KCTD2: variants seen among roughly 807,000 people sequenced by gnomAD.
The protein encoded by KCTD2 is BTB/POZ domain-containing protein KCTD2.
Under a neutral mutation model 27.9 loss-of-function variants are expected in KCTD2, and 18 were observed. The ratio of observed to expected loss-of-function variants is 0.64; its 90% confidence interval spans 0.45 to 0.96. The LOEUF (loss-of-function observed/expected upper bound fraction) is 0.96. Ranked by LOEUF, KCTD2 falls within the 40% of genes least tolerant of loss-of-function variation. KCTD2 has a pLI of 0.00. For missense variants in KCTD2, 280 were observed against 348.0 expected (o/e 0.80, Z 1.56); for synonymous variants, 175 against 148.4 (o/e 1.18, Z -1.30).
At chr17:75,034,301 A>C (rs1407290773) in intron 2 of KCTD2, among the ~76,000 whole-genome samples, 1 of 151,986 alleles carries the variant, frequency 6.6e-6, no homozygotes, top group Non-Finnish European at 1.5e-5. Flanking sequence ...CTGCAAACAG[A>C]GGGTCCTGCA....
At chr17:75,049,367 A>G in intron 2 of KCTD2, 39 bp downstream of exon 2, 2 of 1,238,254 alleles carry the variant, frequency 1.6e-6, no homozygotes, top group Non-Finnish European at 2.4e-6. Context: ...TCAAAATGCA[A>G]GTAGAATCTT....
In KCTD2 at chr17:75,040,112, C is replaced by T. The variant is rs2073144007; in HGVS notation, c.-259+4755C>T. 2.5e-6 allele frequency: 4 copies of T among 1,613,056 alleles called. No homozygotes were observed. In the East Asian group the frequency reaches 8.9e-5, roughly 36 times the overall value. On this transcript the variant is annotated intron_variant, in intron 3 of 7. Transcript: ENST00000581589. ...CTTACATCTTCTTTTTCTTCGGCAT[C>T]CACCTGGGCAGTATATTTATCCTCT...
chr17:75,037,282 T>G (rs1329946822), intron 3 of KCTD2, among the ~76,000 whole-genome samples: 1 of 146,896 alleles, frequency 6.8e-6, no homozygotes, highest in African/African-American at 2.5e-5. Context: ...AGGCAAAGGT[T>G]GCAATGAGCA....
upstream of KCTD2, among the ~76,000 whole-genome samples, chr17:75,043,147 G>A (rs2073177665): frequency 6.6e-6 from 1 of 152,240 alleles, no homozygotes; most frequent in Non-Finnish European, 1.5e-5. Context: ...CTTGAACCCA[G>A]GAGGCAGAGG....
chr17:75,052,332 A>T (rs1400364738), intron 2 of KCTD2, among the ~76,000 whole-genome samples: 1 of 152,246 alleles, frequency 6.6e-6, no homozygotes, highest in African/African-American at 2.4e-5. Context: ...CATGCCTGTA[A>T]TCCCAACACT....
chr17:75,056,673 T>C (rs901850726), intron 3 of KCTD2, among the ~76,000 whole-genome samples: 1 of 152,244 alleles, frequency 6.6e-6, no homozygotes, highest in African/African-American at 2.4e-5. Context: ...TTTGATGTTA[T>C]TCAAAGACAC....
rs1235602485 is a variant in KCTD2 at position 75,059,523 on chromosome 17, A to G, written c.554A>G (p.His185Arg). ...TGGTCATTGCAGGGCCCCGTGAAGC[A>G]CGTGTACAGAGTCCTGCAGTGTCAG... ...ENRTSQGPVKHVYRVLQCQEE... is the reference protein window; with the variant it reads ...ENRTSQGPVKRVYRVLQCQEE... The change falls in exon 4 of 6, where the codon CAC becomes CGC. Residue 185 changes from histidine to arginine, a missense_variant. Transcript: ENST00000322444. 14 of 1,613,090 alleles carry G rather than the reference A, an allele frequency of 8.7e-6. No homozygotes were observed. The highest frequency in any genetic ancestry group is 1.2e-5 in the Non-Finnish European group (14 of 1,179,372).
intron 4 of KCTD2, among the ~76,000 whole-genome samples, chr17:75,060,982 T>G (rs1289221542): frequency 1.3e-5 from 2 of 152,252 alleles, no homozygotes; most frequent in African/African-American, 2.4e-5. Context: ...GGGCATGGGT[T>G]GTAAAACGTC....
intron 2 of KCTD2, 40 bp from the exon 3 acceptor site, chr17:75,052,973 AC>A (rs1411033018): frequency 6.8e-7 from 1 of 1,468,054 alleles, no homozygotes; most frequent in Non-Finnish European, 9.5e-7. Flanking sequence ...TTTCTGGCAA[AC>A]CCTCGCACCT....
Position 75,060,690 on chromosome 17 carries a change from CAG to C in KCTD2, c.636+1086_636+1087del, listed in dbSNP as rs1481259763. The C allele has an allele frequency of 3.2e-5, 43 of 1,348,186 alleles. No homozygotes were observed. In the South Asian group the frequency reaches 3.2e-4, roughly 10 times the overall value. The allele number at this position is 1,348,186 out of a possible 1,614,324, so 83.5% of individuals were successfully genotyped here. A position where few individuals can be genotyped will look rare whatever the true frequency, so the allele number is the denominator to read the frequency against. ...GTGCGAGGGCGGGTCAGGCTGCACT[CAG>C]GGTCTCGGTCGCCGCCACTCGCCAC... On this transcript the variant is annotated intron_variant, in intron 4 of 5. Transcript: ENST00000322444.
intron 2 of KCTD2, among the ~76,000 whole-genome samples, chr17:75,052,169 G>A (rs951301237): frequency 9.2e-5 from 14 of 152,194 alleles, no homozygotes; most frequent in African/African-American, 3.1e-4. Flanking sequence ...GGGTTGAAAT[G>A]GAGTGAGCAG....
chr17:75,044,224 A>G (rs544765254), upstream of KCTD2, among the ~76,000 whole-genome samples: 2 of 74,756 alleles, frequency 2.7e-5, no homozygotes, highest in African/African-American at 2.4e-4. Flanking sequence ...TTTGAGACGG[A>G]GTCTCGCTCT....
chr17:75,050,712 A>C (rs2073275470), intron 2 of KCTD2, among the ~76,000 whole-genome samples: 1 of 152,250 alleles, frequency 6.6e-6, no homozygotes, highest in Non-Finnish European at 1.5e-5. Flanking sequence ...AATTAAAAAA[A>C]CTTTATTTTG....
chr17:75,056,193 G>T (rs2073348545), intron 3 of KCTD2, among the ~76,000 whole-genome samples: 1 of 151,362 alleles, frequency 6.6e-6, no homozygotes, highest in South Asian at 2.1e-4. Context: ...CAGCTCAAAG[G>T]CTCCTTTTTG....
upstream of KCTD2, among the ~76,000 whole-genome samples, chr17:75,043,611 CAA>C (rs533075854): frequency 1.6e-4 from 13 of 80,656 alleles, no homozygotes; most frequent in South Asian, 3.9e-4. Context: ...GACTCTGTCT[CAA>C]AAAAAAAAAA....
chr17:75,059,587 C>T lies in KCTD2; in HGVS notation c.618C>T (p.Asp206=), dbSNP rs750456662. 5.0e-6 allele frequency: 8 copies of T among 1,613,804 alleles called. No individual in the cohort carries two copies. Among genetic ancestry groups the T allele is most frequent in the Admixed American group, 3.3e-5 (2 of 59,992 alleles). The change falls in exon 4 of 6, where the codon GAC becomes GAT. Residue 206 remains aspartate, a synonymous_variant. Coordinates refer to ENST00000322444, the MANE Select transcript of KCTD2 (RefSeq NM_015353.3). Reference sequence around the variant, plus strand: ...CGCAGATGGTGTCCACGATGTCCGACGGCTGGAAATTCGAACAGGTACATC... The same window carrying T: ...CGCAGATGGTGTCCACGATGTCCGATGGCTGGAAATTCGAACAGGTACATC... The part of the protein sequence containing the change: ...ELTQMVSTMS[D]GWKFEQLISI...
chr17:75,038,004 G>C (rs1033874265), intron 3 of KCTD2, among the ~76,000 whole-genome samples: 6 of 151,944 alleles, frequency 3.9e-5, no homozygotes, highest in African/African-American at 9.7e-5. Context: ...AGCCGAGATC[G>C]TCCCACTGCA....
At chr17:75,049,445 A>G in intron 2 of KCTD2, 117 bp downstream of exon 2, 1 of 650,978 alleles carries the variant, frequency 1.5e-6, no homozygotes, top group Non-Finnish European at 2.7e-6. Flanking sequence ...GTATAGTTTC[A>G]GGTTTATGAA....
chr17:75,045,508 G>A (rs1046907731), upstream of KCTD2, among the ~76,000 whole-genome samples: 6 of 152,132 alleles, frequency 3.9e-5, no homozygotes, highest in East Asian at 3.8e-4. Flanking sequence ...GCCCCAGGGG[G>A]GCCAGTTCAG....
Sources: allele counts gnomAD v4.1 joint callset (sites outside exome capture counted in the v4.1 genomes callset), GRCh38; gene constraint gnomAD v4.1.1; transcripts MANE v1.5; gene names NCBI Gene and HGNC (gene_info 2026-07-23, HGNC 2026-07-21).